Variants in FMO3 observed in about 807,000 individuals in gnomAD.
FMO3 encodes flavin-containing monooxygenase 3.
Under a neutral mutation model 39.4 loss-of-function variants are expected in FMO3, and 40 were observed. The observed-to-expected ratio is 1.02, with a 90% confidence interval of 0.79 to 1.32. The LOEUF (loss-of-function observed/expected upper bound fraction) is 1.32. FMO3 is among the 40% of genes most tolerant of loss of function. FMO3 has a pLI of 0.00. For missense variants in FMO3, 680 were observed against 651.8 expected (o/e 1.04, Z -0.47); for synonymous variants, 219 against 228.8 (o/e 0.96, Z 0.39).
At chr1:171,111,302 A>G (rs1217711168) in intron 6 of FMO3, among the ~76,000 whole-genome samples, 1 of 152,178 alleles carries the variant, frequency 6.6e-6, no homozygotes, top group Non-Finnish European at 1.5e-5. Flanking sequence ...GCTCTGGCAT[A>G]TATTATTTCA....
chr1:171,103,194 G>A (rs1294162861), intron 2 of FMO3, among the ~76,000 whole-genome samples: 3 of 152,128 alleles, frequency 2.0e-5, no homozygotes, highest in Admixed American at 6.5e-5. Flanking sequence ...AAGGATTCTA[G>A]TTACATAGGC....
intron 2 of FMO3, among the ~76,000 whole-genome samples, chr1:171,093,727 G>T (rs571289913): frequency 6.6e-6 from 1 of 150,444 alleles, no homozygotes; most frequent in East Asian, 2.0e-4. Flanking sequence ...TGGGTCAAAT[G>T]GTAGTTCTAT....
At chr1:171,103,013 T>A (rs552774045) in intron 2 of FMO3, among the ~76,000 whole-genome samples, 230 of 152,272 alleles carry the variant, frequency 1.5e-3, no homozygotes, top group African/African-American at 5.3e-3. Flanking sequence ...AAAAATTAGG[T>A]CTTAAAATGC....
Position 171,114,382 on chromosome 1 carries a change from C to T in FMO3, c.1183+20C>T, listed in dbSNP as rs1656054132. 1.3e-6 allele frequency: 2 copies of T among 1,553,768 alleles called. No individual in the cohort carries two copies. Among genetic ancestry groups the T allele is most frequent in the African/African-American group, 1.4e-5 (1 of 73,736 alleles). ...TAAAGGGTAAGTCAATAAAGAGGCTCATGGATTGCGAAGATGAATGCCAGT... is the reference window on the plus strand; with the variant it reads ...TAAAGGGTAAGTCAATAAAGAGGCTTATGGATTGCGAAGATGAATGCCAGT... On this transcript the variant is annotated intron_variant, in intron 7 of 8. Transcript: ENST00000367755.
chr1:171,096,175 T>A (rs1210499049), intron 2 of FMO3, among the ~76,000 whole-genome samples: 1 of 74,040 alleles, frequency 1.4e-5, no homozygotes, highest in African/African-American at 6.5e-5. Context: ...TATAATTATA[T>A]ATAATATATT....
intron 3 of FMO3, among the ~76,000 whole-genome samples, chr1:171,106,391 C>T (rs148232840): frequency 2.6e-5 from 4 of 152,284 alleles, no homozygotes; most frequent in African/African-American, 9.6e-5. Context: ...CTACCTGCCT[C>T]ACCCTCCCAA....
At chr1:171,101,796 C>T in intron 2 of FMO3, 1 of 502,438 alleles carries the variant, frequency 2.0e-6, no homozygotes, top group East Asian at 5.7e-5. Context: ...CGGATCTGGG[C>T]AAAATGTCCT....
At chr1:171,095,169 T>C (rs1571199235) in intron 2 of FMO3, among the ~76,000 whole-genome samples, 1 of 152,164 alleles carries the variant, frequency 6.6e-6, no homozygotes, top group Admixed American at 6.6e-5. Context: ...AATTTTTCCA[T>C]TGTTGTTGGC....
At position 171,092,806 on chromosome 1, in the gene FMO3, T is replaced by C; in HGVS notation, c.132+16T>C. ...GAAATTTTCAGTGAGTAGCATGTTG[T>C]TGTAATAGACAGGAAAATAGGTTGG... is the stretch of plus-strand genomic sequence containing the variant. On this transcript the variant is annotated intron_variant, in intron 2 of 8. Transcript: ENST00000367755. 6.2e-7 allele frequency: 1 copy of C among 1,613,514 alleles called. No individual in the cohort carries two copies. The highest frequency in any genetic ancestry group is 8.5e-7 in the Non-Finnish European group (1 of 1,179,800).
chr1:171,114,117 T>A lies in FMO3; in HGVS notation c.938T>A (p.Phe313Tyr), dbSNP rs772838970. The change falls in exon 7 of 9, where the codon TTT (phenylalanine) becomes TAT (tyrosine). Residue 313 changes from phenylalanine to tyrosine, a missense_variant. Coordinates refer to ENST00000367755, the MANE Select transcript of FMO3 (RefSeq NM_001002294.3). ...GAATTCACAGAGACCTCGGCCATTTTTGAGGATGGGACCATATTTGAGGGC... is the reference window on the plus strand; with the variant it reads ...GAATTCACAGAGACCTCGGCCATTTATGAGGATGGGACCATATTTGAGGGC... ...VKEFTETSAI[F>Y]EDGTIFEGID... 10 of 1,613,872 alleles carry A rather than the reference T, an allele frequency of 6.2e-6. No homozygotes were observed. Among genetic ancestry groups the A allele is most frequent in the Non-Finnish European group, 8.5e-6 (10 of 1,179,902 alleles).
rs1654772132 is a variant in FMO3 at position 171,092,734 on chromosome 1, C to T, written c.76C>T (p.Leu26=). The stretch of plus-strand genomic sequence containing the variant: ...CATCAGGAGCTGTCTGGAAGAGGGG[C>T]TGGAGCCCACCTGCTTTGAGAAGAG... ...ASIRSCLEEG[L]EPTCFEKSND... The change falls in exon 2 of 9, where the codon CTG becomes TTG. Residue 26 remains leucine, a synonymous_variant. Transcript: ENST00000367755. The T allele has an allele frequency of 1.2e-6, 2 of 1,613,946 alleles. No homozygotes were observed. The highest frequency in any genetic ancestry group is 1.7e-5 in the Admixed American group (1 of 59,982).
At position 171,096,055 on chromosome 1, in the gene FMO3, TA is replaced by T. The variant is rs1557933166; in HGVS notation, c.132+3267del. On this transcript the variant is annotated intron_variant, in intron 2 of 8. Coordinates refer to ENST00000367755, the MANE Select transcript of FMO3 (RefSeq NM_001002294.3). ...ATAATATATATTATATATAAATATATAATATATATTATATATTAATATATAA... is the reference window on the plus strand; with the variant it reads ...ATAATATATATTATATATAAATATATATATATATTATATATTAATATATAA... Among the ~76,000 whole-genome samples the T allele has an allele frequency of 9.2e-3, 501 of 54,508 alleles. 22 individuals are homozygous for T. The highest frequency in any genetic ancestry group is 0.061 in the African/African-American group (483 of 7,870). 35.8% of individuals were successfully genotyped at this position (54,508 alleles called of 152,430 possible).
intron 3 of FMO3, among the ~76,000 whole-genome samples, chr1:171,105,551 T>C (rs1204374361): frequency 6.6e-6 from 1 of 152,140 alleles, no homozygotes; most frequent in Non-Finnish European, 1.5e-5. Context: ...CCAGCACCTG[T>C]TGTTTCCTGA....
chr1:171,105,982 T>A (rs551483266), intron 3 of FMO3, among the ~76,000 whole-genome samples: 1 of 150,728 alleles, frequency 6.6e-6, no homozygotes, highest in Non-Finnish European at 1.5e-5. Context: ...TGAGATGTGC[T>A]ATAAGTATAA....
At position 171,114,096 on chromosome 1, in the gene FMO3, T is replaced by C; in HGVS notation, c.917T>C (p.Phe306Ser). 6.2e-7 allele frequency: 1 copy of C among 1,613,838 alleles called. No individual in the cohort carries two copies. Among genetic ancestry groups the C allele is most frequent in the Non-Finnish European group, 8.5e-7 (1 of 1,179,814 alleles). Reference protein sequence around the residue: ...IVSVKPNVKEFTETSAIFEDG... With the variant: ...IVSVKPNVKESTETSAIFEDG... ...TCCGTAAAGCCTAACGTGAAGGAAT[T>C]CACAGAGACCTCGGCCATTTTTGAG... The change falls in exon 7 of 9, where the codon TTC (phenylalanine) becomes TCC (serine). Residue 306 changes from phenylalanine (F) to serine (S), a missense_variant. Coordinates refer to ENST00000367755, the MANE Select transcript of FMO3 (RefSeq NM_001002294.3).
Position 171,117,625 on chromosome 1 carries a change from T to C in FMO3, c.*183T>C, listed in dbSNP as rs1362749038. 6 of 572,344 alleles carry C rather than the reference T, an allele frequency of 1.0e-5. No individual in the cohort carries two copies. The highest frequency in any genetic ancestry group is 3.1e-6 in the Non-Finnish European group (1 of 324,976). The allele number at this position is 572,344 out of a possible 1,614,324, so 35.5% of individuals were successfully genotyped here. ...TCTGAAATAGCCACTTTAAGAATCA[T>C]GTCATGATCTTAAGAGAGCACTAAT... is the stretch of plus-strand genomic sequence containing the variant. On this transcript the variant is annotated 3_prime_UTR_variant, in exon 9 of 9. Coordinates refer to ENST00000367755, the MANE Select transcript of FMO3 (RefSeq NM_001002294.3).
intron 3 of FMO3, 52 bp downstream of exon 3, chr1:171,104,025 G>A (rs770484513): frequency 1.6e-6 from 2 of 1,275,718 alleles, no homozygotes; most frequent in Non-Finnish European, 2.3e-6. Context: ...AGAAGTCTAT[G>A]TCTACTACTG....
At chr1:171,098,297 C>A (rs1655199661) in intron 2 of FMO3, among the ~76,000 whole-genome samples, 1 of 152,052 alleles carries the variant, frequency 6.6e-6, no homozygotes, top group Admixed American at 6.6e-5. Context: ...TCCATATGAA[C>A]TTTAAAGTAG....
chr1:171,095,742 C>A (rs190685191), intron 2 of FMO3, among the ~76,000 whole-genome samples: 9,924 of 122,872 alleles, frequency 0.081, 593 homozygotes, highest in East Asian at 0.23. Flanking sequence ...TTATATATAT[C>A]TATAATAATA....
Sources: gnomAD v4.1 joint callset for allele counts (sites outside exome capture counted in the v4.1 genomes callset) on GRCh38, gnomAD v4.1.1 for gene constraint, MANE v1.5 for transcripts, NCBI Gene and HGNC (gene_info 2026-07-23, HGNC 2026-07-21) for gene names.